GMDS: variants seen among roughly 807,000 people sequenced by gnomAD.
The protein encoded by GMDS is GDP-mannose 4,6-dehydratase, also known as GDP-mannose 4,6 dehydratase.
GMDS carries 20 observed loss-of-function variants against 49.9 expected under a neutral mutation model. That is an observed-to-expected ratio of 0.40 (90% CI 0.28 to 0.58). The LOEUF (loss-of-function observed/expected upper bound fraction) is 0.58, where lower values mean the gene tolerates loss of function less well. Among genes scored for constraint, GMDS ranks in the 20% least tolerant of loss-of-function variants. GMDS has a pLI of 0.42. For synonymous variants in GMDS, 177 were observed against 178.6 expected (o/e 0.99, Z 0.07); for missense variants, 362 against 481.4 (o/e 0.75, Z 2.32).
chr6:1,663,968 G>A (rs112696096), intron 9 of GMDS, among the ~76,000 whole-genome samples: 1 of 152,260 alleles, frequency 6.6e-6, no homozygotes, highest in African/African-American at 2.4e-5. Flanking sequence ...AGCACCCTCA[G>A]GACCCAGAGC....
chr6:1,935,003 T>C (rs1018069455), intron 6 of GMDS, among the ~76,000 whole-genome samples: 1 of 152,218 alleles, frequency 6.6e-6, no homozygotes, highest in Non-Finnish European at 1.5e-5. Context: ...AGGAATCTCT[T>C]CTGCGATGAG....
At chr6:1,893,762 G>C (rs1760010556) in intron 7 of GMDS, among the ~76,000 whole-genome samples, 1 of 152,198 alleles carries the variant, frequency 6.6e-6, no homozygotes, top group African/African-American at 2.4e-5. Context: ...TTTATTCAGA[G>C]GGGGTGGAGG....
chr6:1,866,799 G>GC (rs1024252382), intron 7 of GMDS, among the ~76,000 whole-genome samples: 8 of 152,006 alleles, frequency 5.3e-5, no homozygotes, highest in Admixed American at 1.3e-4. Flanking sequence ...GCCACACAGT[G>GC]CCCCCCCGGG....
At chr6:2,042,980 G>A (rs1184513929) in intron 4 of GMDS, among the ~76,000 whole-genome samples, 1 of 152,086 alleles carries the variant, frequency 6.6e-6, no homozygotes, top group Admixed American at 6.6e-5. Flanking sequence ...AAGTTCCCTT[G>A]GTTCTAATAA....
intron 1 of GMDS, among the ~76,000 whole-genome samples, chr6:2,240,521 T>C (rs913206240): frequency 4.0e-5 from 6 of 151,510 alleles, no homozygotes; most frequent in Non-Finnish European, 1.5e-5. Flanking sequence ...CGAGAATCAT[T>C]TGAACCTGGA....
At chr6:2,142,910 C>G (rs1261646682) in intron 1 of GMDS, among the ~76,000 whole-genome samples, 1 of 152,118 alleles carries the variant, frequency 6.6e-6, no homozygotes, top group Non-Finnish European at 1.5e-5. Flanking sequence ...GCTGCTGGTC[C>G]TTCCTCAACT....
intron 1 of GMDS, among the ~76,000 whole-genome samples, chr6:2,199,435 C>G (rs1473299689): frequency 4.6e-5 from 7 of 152,120 alleles, no homozygotes; most frequent in Admixed American, 4.6e-4. Flanking sequence ...AAATATAAAC[C>G]TGATACAATG....
chr6:1,765,890 C>T (rs554900674), intron 7 of GMDS, among the ~76,000 whole-genome samples: 9 of 152,204 alleles, frequency 5.9e-5, no homozygotes, highest in Middle Eastern at 3.4e-3. Context: ...TTGAGAAGGC[C>T]CTTGCGAGAC....
chr6:1,918,472 C>T (rs1275983051), intron 7 of GMDS, among the ~76,000 whole-genome samples: 2 of 152,118 alleles, frequency 1.3e-5, no homozygotes, highest in East Asian at 3.8e-4. Context: ...TAAGGCCGGG[C>T]ATGGTGGCTC....
intron 4 of GMDS, among the ~76,000 whole-genome samples, chr6:1,975,923 T>C (rs577699308): frequency 6.6e-6 from 1 of 152,296 alleles, no homozygotes; most frequent in South Asian, 2.1e-4. Flanking sequence ...CTGAGGTTCC[T>C]GCACCCCTAG....
intron 4 of GMDS, among the ~76,000 whole-genome samples, chr6:2,011,385 T>C (rs1767548745): frequency 6.6e-6 from 1 of 152,158 alleles, no homozygotes; most frequent in Non-Finnish European, 1.5e-5. Context: ...AAAAACAGTA[T>C]AGAGATTTCT....
At chr6:2,163,482 A>G (rs543616712) in intron 1 of GMDS, among the ~76,000 whole-genome samples, 1 of 152,288 alleles carries the variant, frequency 6.6e-6, no homozygotes, top group East Asian at 1.9e-4. Context: ...TCGTGTGATT[A>G]TAGAGGCTGA....
intron 7 of GMDS, among the ~76,000 whole-genome samples, chr6:1,787,818 C>T (rs1769381972): frequency 6.6e-6 from 1 of 152,194 alleles, no homozygotes; most frequent in African/African-American, 2.4e-5. Flanking sequence ...GGGACACACA[C>T]ACTTTTGTAA....
chr6:2,194,927 G>A (rs574789855), intron 1 of GMDS, among the ~76,000 whole-genome samples: 26 of 152,296 alleles, frequency 1.7e-4, no homozygotes, highest in Non-Finnish European at 2.5e-4. Context: ...GTGATGTTCC[G>A]TGAATGCTGC....
At chr6:1,807,505 G>A (rs1770229953) in intron 7 of GMDS, among the ~76,000 whole-genome samples, 1 of 152,180 alleles carries the variant, frequency 6.6e-6, no homozygotes, top group African/African-American at 2.4e-5. Flanking sequence ...TGAACCCCAT[G>A]AGGGCAGAAA....
chr6:2,224,985 C>T lies in GMDS; in HGVS notation c.102+20336G>A, dbSNP rs146156062. Among the ~76,000 whole-genome samples, 940 of 151,858 alleles carry T rather than the reference C, an allele frequency of 6.2e-3. 3 individuals are homozygous for T. Among genetic ancestry groups the T allele is most frequent in the Middle Eastern group, 0.017 (5 of 294 alleles). ...AGAACTGGCAGAGAGGAGATTTGAA[C>T]GCACGTACGTCCACACGATGTCAGA... On this transcript the variant is annotated intron_variant, in intron 1 of 10. Transcript: ENST00000380815.
At chr6:1,813,360 C>T (rs1028347455) in intron 7 of GMDS, among the ~76,000 whole-genome samples, 15 of 151,354 alleles carry the variant, frequency 9.9e-5, no homozygotes, top group African/African-American at 2.2e-4. Flanking sequence ...TTAAAGCGTT[C>T]GTTAGATGAA....
intron 1 of GMDS, among the ~76,000 whole-genome samples, chr6:2,229,883 C>T (rs1780998631): frequency 6.6e-6 from 1 of 152,222 alleles, no homozygotes; most frequent in East Asian, 1.9e-4. Flanking sequence ...GCATGAGACT[C>T]TACCTGTAAA....
chr6:1,744,700 G>A (rs1407816903), intron 7 of GMDS, among the ~76,000 whole-genome samples: 1 of 152,204 alleles, frequency 6.6e-6, no homozygotes, highest in African/African-American at 2.4e-5. Flanking sequence ...CTGTGTGCAC[G>A]AGCAGAGGCC....
Sources: gnomAD v4.1 joint callset for allele counts (sites outside exome capture counted in the v4.1 genomes callset) on GRCh38, gnomAD v4.1.1 for gene constraint, MANE v1.5 for transcripts, NCBI Gene and HGNC (gene_info 2026-07-23, HGNC 2026-07-21) for gene names.